The following MFSD12 variants were observed in gnomAD, a reference collection of about 807,000 sequenced individuals.
MFSD12 encodes major facilitator superfamily domain-containing protein 12.
Under a neutral mutation model 51.2 loss-of-function variants are expected in MFSD12, and 67 were observed. The ratio of observed to expected loss-of-function variants is 1.31; its 90% CI spans 1.08 to 1.60. The LOEUF (loss-of-function observed/expected upper bound fraction) is 1.60. MFSD12 is among the 40% of genes most tolerant of loss of function. The pLI, the probability that MFSD12 is intolerant of heterozygous loss-of-function variation, is 0.00. For synonymous variants in MFSD12, 441 were observed against 316.7 expected, an observed-to-expected ratio of 1.39 and a Z score of -4.17; for missense variants, 921 against 673.0, an observed-to-expected ratio of 1.37 and a Z score of -4.08.
downstream of MFSD12, chr19:3,542,729 T>G (rs1213387239): frequency 7.6e-7 from 1 of 1,313,300 alleles, no homozygotes; most frequent in Non-Finnish European, 1.0e-6. Context: ...GTGATCCACC[T>G]GCCTCAGCCT....
downstream of MFSD12, among the ~76,000 whole-genome samples, chr19:3,541,345 G>A (rs2030393986): frequency 6.6e-6 from 1 of 150,602 alleles, no homozygotes; most frequent in Non-Finnish European, 1.5e-5. Context: ...AAAAAAAAAA[G>A]AGGGTCTCGC....
intron 8 of MFSD12, 79 bp from the exon 9 acceptor site, chr19:3,545,018 C>T (rs2030864417): frequency 2.7e-6 from 4 of 1,500,690 alleles, no homozygotes; most frequent in Admixed American, 4.0e-5. Context: ...TGCCTCCCCT[C>T]ACCCCCGACA....
downstream of MFSD12, among the ~76,000 whole-genome samples, chr19:3,540,490 T>C (rs1483871990): frequency 6.6e-6 from 1 of 150,640 alleles, no homozygotes; most frequent in Admixed American, 6.6e-5. Context: ...TCTCCTGACC[T>C]CATGATCTGC....
chr19:3,538,649 C>CGTG (rs113259909), exon 5 of MFSD12: 16 of 468,786 alleles, frequency 3.4e-5, no homozygotes, highest in Middle Eastern at 3.6e-4. Flanking sequence ...CGTTCCAGCA[C>CGTG]GGTGGCGGCG....
chr19:3,548,557 C>G (rs1226954522), intron 2 of MFSD12, among the ~76,000 whole-genome samples: 1 of 152,164 alleles, frequency 6.6e-6, no homozygotes, highest in Non-Finnish European at 1.5e-5. Flanking sequence ...GTCTGAGAAC[C>G]CAGAGACTCA....
At chr19:3,539,439 T>A (rs760823048), downstream of MFSD12, 1 of 585,126 alleles carries the variant, frequency 1.7e-6, no homozygotes, top group Admixed American at 2.9e-5. Context: ...GGCCGCTCAC[T>A]GTGGGGGCTA....
chr19:3,543,627 C>A, downstream of MFSD12: 1 of 1,544,226 alleles, frequency 6.5e-7, no homozygotes, highest in Non-Finnish European at 8.7e-7. Context: ...GCCCCCAGCA[C>A]CCGGTGGGGG....
At chr19:3,545,453 A>G (rs1284864840) in intron 8 of MFSD12, among the ~76,000 whole-genome samples, 1 of 152,064 alleles carries the variant, frequency 6.6e-6, no homozygotes, top group Non-Finnish European at 1.5e-5. Context: ...CCAACACAAC[A>G]TGCCAGGTGT....
rs369355539 is a variant in MFSD12, at chr19:3,554,472, A to T, written c.298+2634T>A. 9.6e-4 allele frequency among the ~76,000 whole-genome samples: 84 copies of T among 87,780 alleles called. 1 individual carries two copies. Among genetic ancestry groups the T allele is most frequent in the African/African-American group, 2.6e-3 (67 of 26,254 alleles). 57.6% of individuals were successfully genotyped at this position (87,780 alleles called of 152,430 possible). On this transcript the variant is annotated intron_variant, in intron 1 of 9. Coordinates refer to ENST00000355415, the MANE Select transcript of MFSD12 (RefSeq NM_174983.5). ...AAACAAAAAAAAAAAAAAAAGAAAG[A>T]AAGTTCCTGCCTCACAGGCTGCTGT...
rs552514606 is a variant in MFSD12, at chr19:3,554,454, A to C, written c.298+2652T>G. Among the ~76,000 whole-genome samples the C allele has an allele frequency of 1.1e-3, 151 of 139,642 alleles. 1 individual carries two copies. Among genetic ancestry groups the C allele is most frequent in the African/African-American group, 3.6e-3 (138 of 38,390 alleles). 91.6% of individuals were successfully genotyped at this position (139,642 alleles called of 152,430 possible). A position where few individuals can be genotyped will look rare whatever the true frequency, so the allele number is the denominator to read the frequency against. ...TCTGTCTCAACAACAACAAAACAAA[A>C]AAAAAAAAAAAAGAAAGAAAGTTCC... is the stretch of plus-strand genomic sequence containing the variant. On this transcript the variant is annotated intron_variant, in intron 1 of 9. Transcript: ENST00000355415.
Position 3,544,292 on chromosome 19 carries a change from A to C in MFSD12, c.*418T>G, listed in dbSNP as rs1275035563. 2 of 1,275,948 alleles carry C rather than the reference A, an allele frequency of 1.6e-6. No homozygotes were observed. The highest frequency in any genetic ancestry group is 9.9e-7 in the Non-Finnish European group (1 of 1,011,192). The allele number at this position is 1,275,948 out of a possible 1,614,324, so 79.0% of individuals were successfully genotyped here. ...CGGTGGGGTCCAGGCCCAGCCCACC[A>C]CCCCGTGGCTGTCTCCTCCAGGCTC... On this transcript the variant is annotated 3_prime_UTR_variant, in exon 10 of 10. Transcript: ENST00000355415.
chr19:3,547,743 C>A, intron 4 of MFSD12, 105 bp downstream of exon 4: 1 of 1,368,460 alleles, frequency 7.3e-7, no homozygotes, highest in South Asian at 1.5e-5. Context: ...TGGGCTGCAC[C>A]AGGGGCCACG....
At chr19:3,543,721 G>A (rs1323934873), downstream of MFSD12, 12 of 1,498,638 alleles carry the variant, frequency 8.0e-6, no homozygotes, top group Admixed American at 1.1e-4. Context: ...AGGCCAGGGG[G>A]ACAAGGCCAC....
At chr19:3,545,248 C>T (rs1473657829) in intron 8 of MFSD12, among the ~76,000 whole-genome samples, 1 of 152,234 alleles carries the variant, frequency 6.6e-6, no homozygotes, top group Non-Finnish European at 1.5e-5. Context: ...CAGCTGTCCT[C>T]CCGGCAGCAA....
chr19:3,544,719 G>C lies in MFSD12; in HGVS notation c.1434C>G (p.Ala478=). ...PTRLRRWDRD[A]RP ...AGGAGGCTGTCAGGAGTCAGGGCCG[G>C]GCATCACGGTCCCCTGCAAGGGAGG... Residue 478 remains alanine (A), a synonymous_variant, in exon 10 of 10, where the codon GCC becomes GCG. Coordinates refer to ENST00000355415, the MANE Select transcript of MFSD12 (RefSeq NM_174983.5). The C allele has an allele frequency of 6.2e-7, 1 of 1,602,600 alleles. No homozygotes were observed.
downstream of MFSD12, chr19:3,543,374 G>GCCTGGTACAA (rs1257266409): frequency 2.6e-6 from 4 of 1,549,358 alleles, no homozygotes; most frequent in Non-Finnish European, 3.5e-6. Context: ...CGCCTGGGAA[G>GCCTGGTACAA]CCTGGTACAA....
At chr19:3,544,185 G>C (rs1028459362), downstream of MFSD12, 30 of 1,370,306 alleles carry the variant, frequency 2.2e-5, no homozygotes, top group African/African-American at 3.4e-4. Context: ...CCCGCAGGCA[G>C]ACAGGAGCCA....
chr19:3,543,723 C>T (rs370254183), downstream of MFSD12: 347 of 1,497,136 alleles, frequency 2.3e-4, 1 homozygote, highest in Non-Finnish European at 2.4e-4. Flanking sequence ...GCCAGGGGGA[C>T]AAGGCCACCT....
intron 1 of MFSD12, among the ~76,000 whole-genome samples, chr19:3,556,441 G>A (rs1044166691): frequency 6.6e-6 from 1 of 152,178 alleles, no homozygotes; most frequent in Admixed American, 6.5e-5. Flanking sequence ...GGGGAGGCTG[G>A]ACCAAGGGAC....
Sources: allele counts gnomAD v4.1 joint callset (sites outside exome capture counted in the v4.1 genomes callset), GRCh38; gene constraint gnomAD v4.1.1; transcripts MANE v1.5; gene names NCBI Gene and HGNC (gene_info 2026-07-23, HGNC 2026-07-21).